Variants in EFHC2 observed in about 807,000 individuals in gnomAD.
The protein encoded by EFHC2 is EF-hand domain containing 2.
EFHC2 carries 18 observed loss-of-function variants against 52.7 expected under a neutral mutation model. That is an observed-to-expected ratio of 0.34 (90% CI 0.24 to 0.51). The LOEUF (loss-of-function observed/expected upper bound fraction) is 0.51. EFHC2 is among the 20% of genes least tolerant of loss of function. The pLI, the probability that EFHC2 is intolerant of heterozygous loss-of-function variation, is 0.97. For missense variants in EFHC2, 513 were observed against 562.5 expected, an observed-to-expected ratio of 0.91 and a Z score of 0.89; for synonymous variants, 203 against 204.1, an observed-to-expected ratio of 0.99 and a Z score of 0.04.
chrX:44,307,354 A>AT (rs1463302514), intron 2 of EFHC2, among the ~76,000 whole-genome samples: 3 of 111,632 alleles, frequency 2.7e-5, no homozygotes, highest in Middle Eastern at 4.7e-3. Flanking sequence ...AACGTCTTTT[A>AT]TTTTTTTTGG....
intron 3 of EFHC2, among the ~76,000 whole-genome samples, chrX:44,265,657 AG>A (rs2037571218): frequency 8.9e-6 from 1 of 111,818 alleles, no homozygotes; most frequent in East Asian, 2.8e-4. Flanking sequence ...GATATTTCTT[AG>A]GTAAATGAAG....
At chrX:44,161,355 A>G (rs1280193320) in intron 14 of EFHC2, among the ~76,000 whole-genome samples, 1 of 111,993 alleles carries the variant, frequency 8.9e-6, no homozygotes. Context: ...CTGGGTTTAT[A>G]ACAGCAGGGA....
intron 11 of EFHC2, among the ~76,000 whole-genome samples, chrX:44,197,289 GTTCATTCA>G (rs762126012): frequency 2.7e-5 from 3 of 111,135 alleles, no homozygotes; most frequent in East Asian, 2.8e-4. Flanking sequence ...ACCTTTGTTC[GTTCATTCA>G]TTCATTCATT....
chrX:44,256,195 T>C (rs1198700076), intron 4 of EFHC2, among the ~76,000 whole-genome samples: 1 of 111,076 alleles, frequency 9.0e-6, no homozygotes, highest in African/African-American at 3.3e-5. Flanking sequence ...GTGAGAAAGA[T>C]CTAAAATCAA....
intron 1 of EFHC2, 44 bp downstream of exon 1, chrX:44,343,503 G>GA (rs1417154828): frequency 8.5e-7 from 1 of 1,171,477 alleles, no homozygotes; most frequent in Non-Finnish European, 1.1e-6. Flanking sequence ...CTGGACCCCA[G>GA]ACTCCAGCCG....
chrX:44,193,571 C>T (rs2036939660), intron 11 of EFHC2, among the ~76,000 whole-genome samples: 1 of 111,983 alleles, frequency 8.9e-6, no homozygotes, highest in African/African-American at 3.2e-5. Flanking sequence ...TCCTGTACTG[C>T]GTGGTTTAGT....
intron 1 of EFHC2, among the ~76,000 whole-genome samples, chrX:44,316,566 A>ATGAAGTT (rs1278292460): frequency 9.2e-6 from 1 of 108,440 alleles, no homozygotes; most frequent in Non-Finnish European, 1.9e-5. Context: ...AATCCATAGA[A>ATGAAGTT]TGAAGTTTGG....
chrX:44,184,366 G>C (rs2036857354), intron 11 of EFHC2, among the ~76,000 whole-genome samples: 1 of 111,621 alleles, frequency 9.0e-6, no homozygotes, highest in Non-Finnish European at 1.9e-5. Context: ...ACCTCCTGTA[G>C]GGCATCTTAT....
At chrX:44,166,491 G>A (rs1246105085) in intron 13 of EFHC2, among the ~76,000 whole-genome samples, 7 of 111,357 alleles carry the variant, frequency 6.3e-5, no homozygotes, top group Admixed American at 4.8e-4. Context: ...AAGTGAGCAA[G>A]TGGGGCTATG....
intron 8 of EFHC2, among the ~76,000 whole-genome samples, chrX:44,237,560 A>G (rs1053146323): frequency 5.4e-5 from 6 of 111,325 alleles, no homozygotes; most frequent in Non-Finnish European, 1.1e-4. Context: ...CATTACCTCA[A>G]ATTCTTCTCC....
intron 13 of EFHC2, among the ~76,000 whole-genome samples, chrX:44,171,213 G>A (rs1392378572): frequency 4.5e-5 from 5 of 111,191 alleles, no homozygotes; most frequent in African/African-American, 1.6e-4. Context: ...CTGATGTGAT[G>A]TTTGACTGAT....
At chrX:44,291,877 A>G (rs1353039527) in intron 2 of EFHC2, among the ~76,000 whole-genome samples, 1 of 112,475 alleles carries the variant, frequency 8.9e-6, no homozygotes, top group Non-Finnish European at 1.9e-5. Context: ...TATCTAAAAT[A>G]GTCTTCACAT....
intron 14 of EFHC2, among the ~76,000 whole-genome samples, chrX:44,155,382 C>T (rs1171845580): frequency 1.8e-5 from 2 of 111,886 alleles, no homozygotes; most frequent in Non-Finnish European, 3.8e-5. Context: ...CAGCAGCTGC[C>T]CAGTGAGAAC....
intron 3 of EFHC2, among the ~76,000 whole-genome samples, chrX:44,271,355 C>T (rs1200213231): frequency 9.0e-6 from 1 of 111,525 alleles, no homozygotes; most frequent in African/African-American, 3.3e-5. Flanking sequence ...AAGACATGGA[C>T]ATATTCAGGA....
rs370747140 is a variant in EFHC2, at chrX:44,292,975, CT to C, written c.231+19592del. On this transcript the variant is annotated intron_variant, in intron 2 of 14. Coordinates refer to ENST00000420999, the MANE Select transcript of EFHC2 (RefSeq NM_025184.4). Reference sequence around the variant, plus strand: ...CTCAGGTATTTCTTTTCCTTTCTTTCTTTTTTTTTTTTTTTTTGAGACAGAG... The same window carrying C: ...CTCAGGTATTTCTTTTCCTTTCTTTCTTTTTTTTTTTTTTTTGAGACAGAG... 2.6e-3 allele frequency among the ~76,000 whole-genome samples: 245 copies of C among 94,155 alleles called. 1 individual carries two copies. The highest frequency in any genetic ancestry group is 0.012 in the South Asian group (24 of 2,039). The allele number at this position is 94,155 out of a possible 115,157, so 81.8% of individuals were successfully genotyped here.
At chrX:44,275,865 G>A (rs958818354) in intron 2 of EFHC2, among the ~76,000 whole-genome samples, 5 of 105,756 alleles carry the variant, frequency 4.7e-5, no homozygotes, top group African/African-American at 1.7e-4. Context: ...AGTGAGCCGA[G>A]ATGGTGCCAC....
intron 3 of EFHC2, among the ~76,000 whole-genome samples, chrX:44,266,346 T>C (rs2037577455): frequency 9.0e-6 from 1 of 111,085 alleles, no homozygotes; most frequent in Non-Finnish European, 1.9e-5. Flanking sequence ...AAGAATTCTT[T>C]TTTTTTTTAA....
At chrX:44,320,964 T>C (rs1192300961) in intron 1 of EFHC2, among the ~76,000 whole-genome samples, 2 of 111,347 alleles carry the variant, frequency 1.8e-5, no homozygotes, top group Non-Finnish European at 3.8e-5. Flanking sequence ...TAAGGAACAC[T>C]GGATTTTGTT....
At chrX:44,258,138 G>T (rs1602181627) in intron 4 of EFHC2, among the ~76,000 whole-genome samples, 1 of 112,014 alleles carries the variant, frequency 8.9e-6, no homozygotes, top group East Asian at 2.8e-4. Context: ...ATTAATTCAA[G>T]ATGGATTAAA....
Sources: allele counts gnomAD v4.1 joint callset (sites outside exome capture counted in the v4.1 genomes callset), GRCh38; gene constraint gnomAD v4.1.1; transcripts MANE v1.5; gene names NCBI Gene and HGNC (gene_info 2026-07-23, HGNC 2026-07-21).